The following EPHA3 variants were observed in gnomAD, a reference collection of about 807,000 sequenced individuals.
EPHA3 encodes ephrin type-A receptor 3.
In EPHA3, 42 loss-of-function variants were observed where a neutral mutation model predicts 107.1. The observed-to-expected ratio is 0.39, with a 90% confidence interval of 0.31 to 0.51. The LOEUF (loss-of-function observed/expected upper bound fraction) is 0.51, where lower values mean the gene tolerates loss of function less well. Among genes scored for constraint, EPHA3 ranks in the 20% least tolerant of loss-of-function variants. The pLI is 0.78. For synonymous variants in EPHA3, 461 were observed against 424.8 expected (o/e 1.09, Z -1.05); for missense variants, 1,183 against 1,211.2 (o/e 0.98, Z 0.35).
intron 2 of EPHA3, among the ~76,000 whole-genome samples, chr3:89,174,851 C>T (rs1260767419): frequency 2.0e-5 from 3 of 151,610 alleles, no homozygotes; most frequent in Non-Finnish European, 4.4e-5. Context: ...TGTTTTGACC[C>T]TACATTTTTA....
At chr3:89,238,960 C>G (rs1704832690) in intron 3 of EPHA3, among the ~76,000 whole-genome samples, 1 of 152,146 alleles carries the variant, frequency 6.6e-6, no homozygotes, top group Non-Finnish European at 1.5e-5. Context: ...TATTCTGTCT[C>G]AAACAGCTAG....
intron 2 of EPHA3, among the ~76,000 whole-genome samples, chr3:89,144,459 C>T (rs188937061): frequency 6.6e-6 from 1 of 151,802 alleles, no homozygotes; most frequent in East Asian, 2.0e-4. Flanking sequence ...GTGTGCCTTC[C>T]ATTTTGTACT....
intron 2 of EPHA3, among the ~76,000 whole-genome samples, chr3:89,204,690 A>G (rs867900022): frequency 2.6e-5 from 4 of 152,058 alleles, no homozygotes; most frequent in Non-Finnish European, 5.9e-5. Flanking sequence ...AAATAGAAAT[A>G]TAATGATTTT....
intron 5 of EPHA3, among the ~76,000 whole-genome samples, chr3:89,381,286 A>G (rs1305636781): frequency 6.6e-6 from 1 of 151,654 alleles, no homozygotes; most frequent in East Asian, 2.0e-4. Context: ...GGCTGGTTTT[A>G]AACCTGTGTA....
At chr3:89,429,870 T>G (rs1709532867) in intron 12 of EPHA3, among the ~76,000 whole-genome samples, 1 of 152,086 alleles carries the variant, frequency 6.6e-6, no homozygotes. Flanking sequence ...TTCAAGTGAT[T>G]TTCCTGCCTC....
At chr3:89,205,803 C>CT (rs200473429) in intron 2 of EPHA3, among the ~76,000 whole-genome samples, 3,481 of 147,660 alleles carry the variant, frequency 0.024, 144 homozygotes, top group African/African-American at 0.082. Context: ...CTATGTCTCC[C>CT]TTTTTTTTTT....
chr3:89,325,145 T>G (rs1426010807), intron 3 of EPHA3, among the ~76,000 whole-genome samples: 1 of 152,160 alleles, frequency 6.6e-6, no homozygotes, highest in Non-Finnish European at 1.5e-5. Context: ...AGAATAGTAT[T>G]GTGATGAACA....
chr3:89,305,444 T>C (rs114273572), intron 3 of EPHA3, among the ~76,000 whole-genome samples: 1 of 152,290 alleles, frequency 6.6e-6, no homozygotes, highest in African/African-American at 2.4e-5. Flanking sequence ...AGGCACTTTT[T>C]TGCATCCACC....
At chr3:89,107,937 A>T (rs1707013073) in intron 1 of EPHA3, 101 bp downstream of exon 1, 3 of 1,123,764 alleles carry the variant, frequency 2.7e-6, no homozygotes, top group Non-Finnish European at 4.0e-6. Flanking sequence ...GGTGCCTCCG[A>T]ATAGAGCAGT....
intron 2 of EPHA3, among the ~76,000 whole-genome samples, chr3:89,164,210 T>G (rs576898208): frequency 5.3e-5 from 8 of 152,294 alleles, no homozygotes; most frequent in Middle Eastern, 3.4e-3. Flanking sequence ...AGAAGAAGAA[T>G]AATTGTCTTT....
intron 2 of EPHA3, among the ~76,000 whole-genome samples, chr3:89,204,140 A>G (rs1472564208): frequency 6.6e-6 from 1 of 152,172 alleles, no homozygotes; most frequent in African/African-American, 2.4e-5. Context: ...GGCTTTCCTC[A>G]TAATAATTCT....
At chr3:89,180,305 A>AT (rs35613113) in intron 2 of EPHA3, among the ~76,000 whole-genome samples, 95 of 149,988 alleles carry the variant, frequency 6.3e-4, no homozygotes, top group African/African-American at 1.5e-3. Context: ...TCCAAATCTG[A>AT]TTTTTTTTTT....
intron 5 of EPHA3, among the ~76,000 whole-genome samples, chr3:89,350,822 T>A (rs1707795034): frequency 6.6e-6 from 1 of 151,154 alleles, no homozygotes; most frequent in Admixed American, 6.6e-5. Flanking sequence ...TGTTTGTTAG[T>A]TTTCCTTCTA....
At chr3:89,352,094 G>A (rs1163418906) in intron 5 of EPHA3, among the ~76,000 whole-genome samples, 3 of 151,092 alleles carry the variant, frequency 2.0e-5, no homozygotes, top group African/African-American at 4.8e-5. Context: ...GTAGATTTTC[G>A]ATAGAAGGTG....
chr3:89,154,257 T>C (rs28396603), intron 2 of EPHA3, among the ~76,000 whole-genome samples: 1 of 151,784 alleles, frequency 6.6e-6, no homozygotes. Flanking sequence ...CCTTGTTTTT[T>C]GGGTTTTTGT....
chr3:89,400,121 T>C, intron 7 of EPHA3: 1 of 926,020 alleles, frequency 1.1e-6, no homozygotes, highest in Non-Finnish European at 1.3e-6. Flanking sequence ...AAAGGTAAAA[T>C]TATGTCTATG....
At chr3:89,456,344 C>T (rs990790019) in intron 15 of EPHA3, among the ~76,000 whole-genome samples, 4 of 152,046 alleles carry the variant, frequency 2.6e-5, no homozygotes, top group African/African-American at 7.2e-5. Context: ...TGTTTATACA[C>T]GTACCCTGTA....
chr3:89,167,489 A>G (rs1705100120), intron 2 of EPHA3, among the ~76,000 whole-genome samples: 1 of 152,112 alleles, frequency 6.6e-6, no homozygotes. Flanking sequence ...GAGAAATAAC[A>G]TTACAAAAAA....
At chr3:89,141,139 T>C (rs879743832) in intron 2 of EPHA3, among the ~76,000 whole-genome samples, 12 of 151,560 alleles carry the variant, frequency 7.9e-5, no homozygotes, top group Non-Finnish European at 1.3e-4. Context: ...ATACTACATA[T>C]GGTAAGAGAA....
Sources: gnomAD v4.1 joint callset for allele counts (sites outside exome capture counted in the v4.1 genomes callset) on GRCh38, gnomAD v4.1.1 for gene constraint, MANE v1.5 for transcripts, NCBI Gene and HGNC (gene_info 2026-07-23, HGNC 2026-07-21) for gene names.